AVPI1: variants seen among roughly 807,000 people sequenced by gnomAD.
AVPI1 encodes the protein arginine vasopressin induced 1, also known as arginine vasopressin-induced protein 1.
In AVPI1, 9 loss-of-function variants were observed where a neutral mutation model predicts 11.9. The ratio of observed to expected loss-of-function variants is 0.76; its 90% CI spans 0.46 to 1.32. The LOEUF (loss-of-function observed/expected upper bound fraction) is 1.32, where lower values mean the gene tolerates loss of function less well. AVPI1 is among the 40% of genes most tolerant of loss of function. The pLI is 0.00. For missense variants in AVPI1, 207 were observed against 195.8 expected (o/e 1.06, Z -0.34); for synonymous variants, 68 against 78.1 (o/e 0.87, Z 0.68).
intron 1 of AVPI1, among the ~76,000 whole-genome samples, chr10:97,683,904 G>C (rs1465068380): frequency 6.6e-6 from 1 of 151,842 alleles, no homozygotes; most frequent in Non-Finnish European, 1.5e-5. Flanking sequence ...GCTTGATGCT[G>C]TTTGTTTCTG....
In AVPI1 at chr10:97,679,854, T is replaced by C; in HGVS notation, c.52A>G (p.Ile18Val). ...GCCTGCTTGCGGCCCCGGGCCTCAA[T>C]CGGGGCCTGCCAAGGGGGTGGCTCA... ...VSEPPPWQAP[I>V]EARGRKQASA... The change falls in exon 2 of 3, where the codon ATT becomes GTT. Residue 18 changes from isoleucine to valine, a missense_variant. Coordinates refer to ENST00000370626, the MANE Select transcript of AVPI1 (RefSeq NM_021732.3). 1 of 1,602,840 alleles carries C rather than the reference T, an allele frequency of 6.2e-7. No homozygotes were observed. The highest frequency in any genetic ancestry group is 1.3e-5 in the African/African-American group (1 of 74,938).
At chr10:97,679,205 C>T (rs2041689045) in intron 2 of AVPI1, among the ~76,000 whole-genome samples, 2 of 143,224 alleles carry the variant, frequency 1.4e-5, no homozygotes, top group Admixed American at 7.3e-5. Flanking sequence ...AGTGCGGTGG[C>T]GTCATCTCAG....
At chr10:97,679,568 T>G in intron 2 of AVPI1, 51 bp downstream of exon 2, 2 of 1,537,064 alleles carry the variant, frequency 1.3e-6, no homozygotes, top group Non-Finnish European at 1.8e-6. Context: ...CATGCAGTGG[T>G]GGAACAGGCA....
Position 97,677,741 on chromosome 10 carries a change from G to A in AVPI1, c.*128C>T. ...ATCCAGTCTTGTTCTGAATGGAGCAGGTCAGTGGCAGCAGCCTCTTGCTTT... is the reference window on the plus strand; with the variant it reads ...ATCCAGTCTTGTTCTGAATGGAGCAAGTCAGTGGCAGCAGCCTCTTGCTTT... On this transcript the variant is annotated 3_prime_UTR_variant, in exon 3 of 3. Transcript: ENST00000370626. The A allele has an allele frequency of 9.0e-7, 1 of 1,110,232 alleles. No homozygotes were observed. The highest frequency in any genetic ancestry group is 1.3e-6 in the Non-Finnish European group (1 of 774,666). 68.8% of individuals were successfully genotyped at this position (1,110,232 alleles called of 1,614,324 possible). A position where few individuals can be genotyped will look rare whatever the true frequency, so the allele number is the denominator to read the frequency against.
intron 2 of AVPI1, 38 bp from the exon 3 acceptor site, chr10:97,678,063 G>A (rs1338788805): frequency 6.3e-7 from 1 of 1,593,470 alleles, no homozygotes; most frequent in African/African-American, 1.3e-5. Context: ...AACATCAATA[G>A]GAAGAATGGA....
intron 2 of AVPI1, among the ~76,000 whole-genome samples, chr10:97,679,384 C>G (rs1008371573): frequency 2.6e-5 from 4 of 152,090 alleles, no homozygotes; most frequent in African/African-American, 9.7e-5. Context: ...ACCTAGTGAT[C>G]TGCCTGCCTC....
chr10:97,683,830 G>A (rs897910966), intron 1 of AVPI1, among the ~76,000 whole-genome samples: 1 of 152,238 alleles, frequency 6.6e-6, no homozygotes, highest in African/African-American at 2.4e-5. Flanking sequence ...CTCACTGGCT[G>A]AAAAACCTCA....
At chr10:97,682,054 T>C (rs2041707898) in intron 1 of AVPI1, among the ~76,000 whole-genome samples, 4 of 152,350 alleles carry the variant, frequency 2.6e-5, no homozygotes, top group South Asian at 2.1e-4. Context: ...GCGCAGTCTA[T>C]AGGCCAACAT....
At position 97,679,916 on chromosome 10, in the gene AVPI1, C is replaced by G. The variant is rs3818780; in HGVS notation, c.-10-1G>C. On this transcript the variant is annotated splice_acceptor_variant, in intron 1 of 2. Coordinates refer to ENST00000370626, the MANE Select transcript of AVPI1 (RefSeq NM_021732.3). LOFTEE classifies it low-confidence loss of function (5UTR_SPLICE). ...GGCTGGGGTACCCATTGTGGATGCT[C>G]TGAGGATGCAAAGCATGGAGACATC... 0.19 allele frequency: 290,092 copies of G among 1,553,524 alleles called. 28,890 individuals are homozygous for G. Among genetic ancestry groups the G allele is most frequent in the South Asian group, 0.34 (29,203 of 84,990 alleles).
intron 1 of AVPI1, among the ~76,000 whole-genome samples, chr10:97,685,299 C>A (rs2041723289): frequency 2.0e-5 from 3 of 152,150 alleles, no homozygotes; most frequent in Admixed American, 6.5e-5. Context: ...AACTGTGGAA[C>A]CCTAACAAAG....
Position 97,678,684 on chromosome 10 carries a change from T to TTAAA in AVPI1, c.288-660_288-659insTTTA, listed in dbSNP as rs771573400. On this transcript the variant is annotated intron_variant, in intron 2 of 2. Transcript: ENST00000370626. ...CCCCAGCCAAGATTTTAATTAGGCT[T>TTAAA]AAAAAAAAAAAAAAAAGAGAATCTC... is the stretch of plus-strand genomic sequence containing the variant. Among the ~76,000 whole-genome samples, 39 of 145,156 alleles carry TTAAA rather than the reference T, an allele frequency of 2.7e-4. No homozygotes were observed. In the South Asian group the frequency reaches 7.1e-3, roughly 27 times the overall value.
At chr10:97,679,141 CTTTT>C (rs559721224) in intron 2 of AVPI1, among the ~76,000 whole-genome samples, 2 of 124,170 alleles carry the variant, frequency 1.6e-5, no homozygotes, top group African/African-American at 3.1e-5. Context: ...TAACAGCAAT[CTTTT>C]TTTTTTTTTT....
At chr10:97,679,572 A>G in intron 2 of AVPI1, 47 bp downstream of exon 2, 1 of 1,546,620 alleles carries the variant, frequency 6.5e-7, no homozygotes, top group Non-Finnish European at 8.7e-7. Flanking sequence ...CAGTGGTGGA[A>G]CAGGCATTAG....
chr10:97,684,402 C>G (rs1345433251), intron 1 of AVPI1, among the ~76,000 whole-genome samples: 2 of 152,034 alleles, frequency 1.3e-5, no homozygotes, highest in Non-Finnish European at 2.9e-5. Context: ...ACCAAGAAAC[C>G]CTCAGGGAGA....
rs66489128 is a variant in AVPI1, at chr10:97,678,684, TAAAAAAAAAAA to T, written c.288-670_288-660del. 2.1e-5 allele frequency among the ~76,000 whole-genome samples: 3 copies of T among 145,156 alleles called. No homozygotes were observed. The East Asian group carries it at 6.1e-4, about 30-fold the overall frequency. ...CCCCAGCCAAGATTTTAATTAGGCT[TAAAAAAAAAAA>T]AAAAAGAGAATCTCACTCTGTCACT... is the stretch of plus-strand genomic sequence containing the variant. On this transcript the variant is annotated intron_variant, in intron 2 of 2. Transcript: ENST00000370626.
At chr10:97,684,057 C>T (rs1244241816) in intron 1 of AVPI1, among the ~76,000 whole-genome samples, 1 of 152,154 alleles carries the variant, frequency 6.6e-6, no homozygotes, top group Non-Finnish European at 1.5e-5. Context: ...AATTCCCCAG[C>T]CAGTAGCTCC....
intron 1 of AVPI1, among the ~76,000 whole-genome samples, chr10:97,685,613 C>T (rs1214018116): frequency 6.6e-6 from 1 of 152,164 alleles, no homozygotes; most frequent in Non-Finnish European, 1.5e-5. Flanking sequence ...GGCCCAAGGC[C>T]TGAATCAACA....
At chr10:97,678,971 G>GACAGGA (rs2041686443) in intron 2 of AVPI1, among the ~76,000 whole-genome samples, 10 of 100,400 alleles carry the variant, frequency 1.0e-4, no homozygotes, top group East Asian at 8.0e-4. Context: ...GTGTGTGTGT[G>GACAGGA]TGTGTGTGTG....
At position 97,678,949 on chromosome 10, in the gene AVPI1, G is replaced by C. The variant is rs1564779890; in HGVS notation, c.287+670C>G. Among the ~76,000 whole-genome samples, 241 of 38,898 alleles carry C rather than the reference G, an allele frequency of 6.2e-3. 34 individuals are homozygous for C. Among genetic ancestry groups the C allele is most frequent in the Admixed American group, 0.033 (107 of 3,286 alleles). The allele number at this position is 38,898 out of a possible 152,430, so 25.5% of individuals were successfully genotyped here. A position where few individuals can be genotyped will look rare whatever the true frequency, so the allele number is the denominator to read the frequency against. ...TGTGTGTGTGTGTGTGTGTGTGTGT[G>C]TGTGTGTGTGTGTGTGTGTGTGTGT... On this transcript the variant is annotated intron_variant, in intron 2 of 2. Transcript: ENST00000370626.
Sources: gnomAD v4.1 joint callset for allele counts (sites outside exome capture counted in the v4.1 genomes callset) on GRCh38, gnomAD v4.1.1 for gene constraint, MANE v1.5 for transcripts, NCBI Gene and HGNC (gene_info 2026-07-23, HGNC 2026-07-21) for gene names.